The following GABRG3 variants were observed in gnomAD, a reference collection of about 807,000 sequenced individuals.
GABRG3 encodes the protein gamma-aminobutyric acid type A receptor subunit gamma3, also known as gamma-aminobutyric acid receptor subunit gamma-3.
Under a neutral mutation model 48.8 loss-of-function variants are expected in GABRG3, and 25 were observed. The observed-to-expected ratio is 0.51, with a 90% CI of 0.37 to 0.72. GABRG3 has a LOEUF of 0.72. GABRG3 is among the 30% of genes least tolerant of loss of function. The pLI is 0.00. For missense variants in GABRG3, 394 were observed against 577.9 expected, an observed-to-expected ratio of 0.68 and a Z score of 3.26; for synonymous variants, 227 against 217.6, an observed-to-expected ratio of 1.04 and a Z score of -0.38.
intron 2 of GABRG3, among the ~76,000 whole-genome samples, chr15:27,020,664 C>G (rs1332547379): frequency 5.3e-5 from 8 of 152,008 alleles, no homozygotes; most frequent in African/African-American, 1.7e-4. Flanking sequence ...TGATCCGCCC[C>G]CCTCTGCCTC....
intron 2 of GABRG3, among the ~76,000 whole-genome samples, chr15:27,001,025 A>T (rs373000734): frequency 6.6e-6 from 1 of 152,138 alleles, no homozygotes; most frequent in South Asian, 2.1e-4. Context: ...ACACACATGC[A>T]CTGGTTACCC....
At chr15:27,436,533 G>A (rs2140628086) in intron 5 of GABRG3, among the ~76,000 whole-genome samples, 1 of 152,296 alleles carries the variant, frequency 6.6e-6, no homozygotes, top group Non-Finnish European at 1.5e-5. Context: ...GGTTTGTGGG[G>A]CAATGTCAAA....
intron 3 of GABRG3, among the ~76,000 whole-genome samples, chr15:27,069,854 A>G (rs769613495): frequency 1.3e-5 from 2 of 152,216 alleles, no homozygotes; most frequent in Non-Finnish European, 2.9e-5. Context: ...TCCACTGGAG[A>G]AATGGGCACA....
rs140296796 is a variant in GABRG3, at chr15:27,063,842, C to A, written c.270+37021C>A. ...GTCAGAATGAGCAACACAAGCTGTTCTGGGAGGCAGGAAAGACCTGCTGAC... is the reference window on the plus strand; with the variant it reads ...GTCAGAATGAGCAACACAAGCTGTTATGGGAGGCAGGAAAGACCTGCTGAC... On this transcript the variant is annotated intron_variant, in intron 3 of 9. Transcript: ENST00000615808. Among the ~76,000 whole-genome samples, 1,056 of 152,268 alleles carry A rather than the reference C, an allele frequency of 6.9e-3. 19 individuals are homozygous for A. Among genetic ancestry groups the A allele is most frequent in the African/African-American group, 0.024 (1,018 of 41,554 alleles).
At chr15:27,376,637 A>G (rs1566812810) in intron 5 of GABRG3, among the ~76,000 whole-genome samples, 1 of 152,230 alleles carries the variant, frequency 6.6e-6, no homozygotes, top group African/African-American at 2.4e-5. Flanking sequence ...CCCGAACTTT[A>G]TGTTGGCCCC....
intron 3 of GABRG3, among the ~76,000 whole-genome samples, chr15:27,145,166 A>G (rs1394207239): frequency 3.0e-5 from 4 of 131,842 alleles, no homozygotes; most frequent in Non-Finnish European, 6.4e-5. Flanking sequence ...AATGAACCAT[A>G]TACAGGGAAA....
intron 3 of GABRG3, among the ~76,000 whole-genome samples, chr15:27,146,096 G>C (rs2140393195): frequency 6.6e-6 from 1 of 152,216 alleles, no homozygotes; most frequent in Non-Finnish European, 1.5e-5. Context: ...TTGCCTGCAA[G>C]AAATACTAAA....
At chr15:27,192,196 G>C (rs868409830) in intron 3 of GABRG3, among the ~76,000 whole-genome samples, 1 of 151,956 alleles carries the variant, frequency 6.6e-6, no homozygotes, top group Non-Finnish European at 1.5e-5. Flanking sequence ...TCTGACAATT[G>C]TGTGTCTTGG....
chr15:27,294,101 A>T (rs991847355), intron 3 of GABRG3, among the ~76,000 whole-genome samples: 5 of 152,152 alleles, frequency 3.3e-5, no homozygotes, highest in African/African-American at 1.2e-4. Context: ...TTCTGGGAAG[A>T]GCATTCCAGT....
At chr15:27,489,810 A>G (rs879192939) in intron 6 of GABRG3, among the ~76,000 whole-genome samples, 1 of 152,154 alleles carries the variant, frequency 6.6e-6, no homozygotes, top group East Asian at 1.9e-4. Flanking sequence ...ATTTCCTCCC[A>G]TTCTATAGGT....
chr15:26,977,125 T>G lies in GABRG3; in HGVS notation c.177T>G (p.Asp59Glu). The G allele has an allele frequency of 6.2e-7, 1 of 1,613,646 alleles. No homozygotes were observed. Among genetic ancestry groups the G allele is most frequent in the East Asian group, 2.2e-5 (1 of 44,872 alleles). ...LILNKLLREYDKKLRPDIGIK... is the reference protein window; with the variant it reads ...LILNKLLREYEKKLRPDIGIK... The stretch of plus-strand genomic sequence containing the variant: ...TCAACAAGTTGCTAAGAGAATATGA[T>G]AAAAAGCTGAGGCCAGATATTGGAA... Residue 59 changes from aspartate to glutamate, a missense_variant, in exon 2 of 10, where the codon GAT becomes GAG. By Grantham distance (45) the Asp-to-Glu change is conservative. Transcript: ENST00000615808.
chr15:27,398,950 C>T (rs1290621518), intron 5 of GABRG3, among the ~76,000 whole-genome samples: 2 of 152,176 alleles, frequency 1.3e-5, no homozygotes, highest in East Asian at 3.9e-4. Context: ...CATGCCTGGA[C>T]TCCTCACAGC....
chr15:27,106,687 A>G (rs1897455030), intron 3 of GABRG3, among the ~76,000 whole-genome samples: 1 of 152,056 alleles, frequency 6.6e-6, no homozygotes, highest in African/African-American at 2.4e-5. Flanking sequence ...AGGACTGACA[A>G]AAATAAAAGG....
chr15:27,164,350 G>A (rs755367864), intron 3 of GABRG3, among the ~76,000 whole-genome samples: 2 of 152,074 alleles, frequency 1.3e-5, no homozygotes, highest in Admixed American at 1.3e-4. Flanking sequence ...CTCACAATAC[G>A]GTAAATCAAA....
At chr15:27,322,989 G>T (rs191975481) in intron 3 of GABRG3, among the ~76,000 whole-genome samples, 21 of 152,184 alleles carry the variant, frequency 1.4e-4, no homozygotes, top group African/African-American at 4.8e-4. Context: ...GCTAGAACAC[G>T]CCTTCCATCC....
chr15:27,265,795 T>C (rs7177333), intron 3 of GABRG3, among the ~76,000 whole-genome samples: 87,943 of 151,400 alleles, frequency 0.58, 26,229 homozygotes, highest in Non-Finnish European at 0.65. Flanking sequence ...GTCCAGTTTA[T>C]CAATTGTTTT....
chr15:27,293,794 T>C (rs1044598685), intron 3 of GABRG3, among the ~76,000 whole-genome samples: 3 of 152,172 alleles, frequency 2.0e-5, no homozygotes, highest in African/African-American at 7.2e-5. Context: ...TGTGCACATA[T>C]TTATTGATTA....
At chr15:27,190,140 GA>G (rs1888244327) in intron 3 of GABRG3, among the ~76,000 whole-genome samples, 1 of 152,172 alleles carries the variant, frequency 6.6e-6, no homozygotes, top group Non-Finnish European at 1.5e-5. Context: ...GTGTTTTATT[GA>G]GGATTTTTGC....
In GABRG3 at chr15:27,105,008, G is replaced by A. The variant is rs79919209; in HGVS notation, c.270+78187G>A. Among the ~76,000 whole-genome samples the A allele has an allele frequency of 8.0e-3, 1,218 of 152,138 alleles. 34 individuals are homozygous for A. The East Asian group carries it at 0.11, about 13-fold the overall frequency. Reference sequence around the variant, plus strand: ...GTGGATTAAAACATTAAAAAATTTCGATGACTCAACTATATGCTGTTTACA... The same window carrying A: ...GTGGATTAAAACATTAAAAAATTTCAATGACTCAACTATATGCTGTTTACA... On this transcript the variant is annotated intron_variant, in intron 3 of 9. Transcript: ENST00000615808.
Sources: gnomAD v4.1 joint callset for allele counts (sites outside exome capture counted in the v4.1 genomes callset) on GRCh38, gnomAD v4.1.1 for gene constraint, MANE v1.5 for transcripts, NCBI Gene and HGNC (gene_info 2026-07-23, HGNC 2026-07-21) for gene names.